Variants in RSPO2 observed in about 807,000 individuals in gnomAD.
The protein encoded by RSPO2 is R-spondin-2.
A neutral mutation model predicts 30.9 loss-of-function variants in RSPO2; 14 were observed. The ratio of observed to expected loss-of-function variants is 0.45; its 90% CI spans 0.30 to 0.71. RSPO2 has a LOEUF of 0.71. Ranked by LOEUF, RSPO2 falls within the 30% of genes least tolerant of loss-of-function variation. The pLI, the probability that RSPO2 is intolerant of heterozygous loss-of-function variation, is 0.08. For synonymous variants in RSPO2, 107 were observed against 96.4 expected, an observed-to-expected ratio of 1.11 and a Z score of -0.64; for missense variants, 264 against 301.9, an observed-to-expected ratio of 0.87 and a Z score of 0.93.
intron 5 of RSPO2, among the ~76,000 whole-genome samples, chr8:107,932,575 A>G (rs907965160): frequency 2.0e-5 from 3 of 152,198 alleles, no homozygotes; most frequent in Admixed American, 6.5e-5. Context: ...ACAGGTAAAT[A>G]AGATCCTCTT....
chr8:108,061,892 C>T (rs539492423), intron 2 of RSPO2, among the ~76,000 whole-genome samples: 21 of 151,900 alleles, frequency 1.4e-4, no homozygotes, highest in East Asian at 7.7e-4. Context: ...CACTCAAAAC[C>T]GCTCAACTAC....
chr8:107,955,626 T>C (rs1400662884), intron 5 of RSPO2, among the ~76,000 whole-genome samples: 1 of 118,942 alleles, frequency 8.4e-6, no homozygotes, highest in African/African-American at 2.6e-5. Flanking sequence ...GGCTAAGCAT[T>C]ACACTGTTTT....
chr8:108,082,281 A>C (rs1008470051), intron 2 of RSPO2, among the ~76,000 whole-genome samples: 2 of 152,180 alleles, frequency 1.3e-5, no homozygotes, highest in African/African-American at 4.8e-5. Flanking sequence ...TGCGGACCGC[A>C]CGACTTAGCC....
At chr8:108,074,406 A>G (rs1051636874) in intron 2 of RSPO2, among the ~76,000 whole-genome samples, 1 of 152,210 alleles carries the variant, frequency 6.6e-6, no homozygotes, top group African/African-American at 2.4e-5. Context: ...ATACATGAAC[A>G]CATGTACAGG....
At chr8:108,007,559 G>A (rs1335184016) in intron 2 of RSPO2, among the ~76,000 whole-genome samples, 1 of 152,152 alleles carries the variant, frequency 6.6e-6, no homozygotes, top group Non-Finnish European at 1.5e-5. Context: ...CTGCAGAAAA[G>A]TCTTGTCAAA....
chr8:107,990,046 A>G (rs1814795559), intron 2 of RSPO2, among the ~76,000 whole-genome samples: 1 of 152,214 alleles, frequency 6.6e-6, no homozygotes, highest in African/African-American at 2.4e-5. Context: ...TAAAATGAAT[A>G]TCTACAGAAT....
chr8:107,960,734 G>A lies in RSPO2; in HGVS notation c.367C>T (p.Arg123Cys), dbSNP rs192607553. 13 of 1,613,208 alleles carry A rather than the reference G, an allele frequency of 8.1e-6. No homozygotes were observed. Among genetic ancestry groups the A allele is most frequent in the Middle Eastern group, 1.6e-4 (1 of 6,084 alleles). ...CKVGFYLHRG[R>C]CFDECPDGFA... is the part of the protein sequence containing the mutation. Reference sequence around the variant, plus strand: ...CCATCTGGACATTCATCAAAGCAACGGCCTCTATGCAAATAAAAGCCTACT... The same window carrying A: ...CCATCTGGACATTCATCAAAGCAACAGCCTCTATGCAAATAAAAGCCTACT... Residue 123 changes from arginine to cysteine, a missense_variant, in exon 4 of 6, where the codon CGT (arginine) becomes TGT (cysteine). Physicochemically the swap from Arg to Cys is radical, Grantham distance 180. Transcript: ENST00000276659.
chr8:107,981,273 C>T (rs1200597409), intron 3 of RSPO2, among the ~76,000 whole-genome samples: 1 of 152,052 alleles, frequency 6.6e-6, no homozygotes, highest in Non-Finnish European at 1.5e-5. Context: ...AATCTTAGCA[C>T]TTTGGGAGGC....
intron 2 of RSPO2, among the ~76,000 whole-genome samples, chr8:108,043,078 A>G (rs994768000): frequency 1.3e-5 from 2 of 152,184 alleles, no homozygotes; most frequent in African/African-American, 4.8e-5. Context: ...AGAGGCATTA[A>G]ATAGCCTCAG....
intron 2 of RSPO2, among the ~76,000 whole-genome samples, chr8:108,066,296 T>A (rs1179713063): frequency 6.6e-6 from 1 of 152,166 alleles, no homozygotes; most frequent in Non-Finnish European, 1.5e-5. Context: ...TTCCATCCAA[T>A]GAGCCTCAGA....
chr8:108,017,661 G>A (rs1252317239), intron 2 of RSPO2, among the ~76,000 whole-genome samples: 2 of 152,122 alleles, frequency 1.3e-5, no homozygotes, highest in Admixed American at 1.3e-4. Context: ...TTTCATTACA[G>A]GTCTGACAGA....
At chr8:108,016,792 G>A (rs372163565) in intron 2 of RSPO2, among the ~76,000 whole-genome samples, 27 of 152,134 alleles carry the variant, frequency 1.8e-4, no homozygotes, top group African/African-American at 5.3e-4. Context: ...TGTTAAAAGC[G>A]TGTGGCACCT....
chr8:108,041,828 A>C (rs2130657926), intron 2 of RSPO2, among the ~76,000 whole-genome samples: 1 of 151,988 alleles, frequency 6.6e-6, no homozygotes, highest in Middle Eastern at 3.4e-3. Flanking sequence ...AGCACATTAA[A>C]CCTCCCTAGG....
intron 3 of RSPO2, among the ~76,000 whole-genome samples, chr8:107,976,799 T>G (rs1344585130): frequency 6.6e-6 from 1 of 152,234 alleles, no homozygotes; most frequent in Non-Finnish European, 1.5e-5. Flanking sequence ...TCCCCTCCTC[T>G]TCCTTTCTTT....
At chr8:107,902,553 A>T (rs1811511614) in intron 5 of RSPO2, among the ~76,000 whole-genome samples, 1 of 152,120 alleles carries the variant, frequency 6.6e-6, no homozygotes, top group Non-Finnish European at 1.5e-5. Context: ...GTCTAGGGAG[A>T]TACATGAATT....
chr8:107,957,430 T>A (rs1362388718), intron 5 of RSPO2, among the ~76,000 whole-genome samples: 7 of 152,222 alleles, frequency 4.6e-5, no homozygotes, highest in Non-Finnish European at 7.3e-5. Context: ...ACCTCAGCTA[T>A]GTGCTCTTCC....
At chr8:107,972,251 T>C (rs1157646150) in intron 3 of RSPO2, among the ~76,000 whole-genome samples, 1 of 151,970 alleles carries the variant, frequency 6.6e-6, no homozygotes, top group African/African-American at 2.4e-5. Context: ...GTTCAAGTGA[T>C]TCTCATGCCT....
chr8:108,003,312 T>TATATATATA (rs1554580931), intron 2 of RSPO2, among the ~76,000 whole-genome samples: 5 of 10,750 alleles, frequency 4.7e-4, no homozygotes, highest in African/African-American at 5.7e-4. Flanking sequence ...TATATATATA[T>TATATATATA]TTTTTTTTTT....
intron 2 of RSPO2, among the ~76,000 whole-genome samples, chr8:108,026,988 T>C (rs1811242986): frequency 6.6e-6 from 1 of 152,192 alleles, no homozygotes. Flanking sequence ...AATCCAAGTA[T>C]AGGCGGGAAA....
Sources: gnomAD v4.1 joint callset for allele counts (sites outside exome capture counted in the v4.1 genomes callset) on GRCh38, gnomAD v4.1.1 for gene constraint, MANE v1.5 for transcripts, NCBI Gene and HGNC (gene_info 2026-07-23, HGNC 2026-07-21) for gene names.